Variants in CNTN6 observed in about 807,000 individuals in gnomAD.
CNTN6 encodes contactin 6, also known as contactin-6.
In CNTN6, 137 loss-of-function variants were observed where a neutral mutation model predicts 122.8. The ratio of observed to expected loss-of-function variants is 1.12; its 90% confidence interval spans 0.97 to 1.29. The LOEUF (loss-of-function observed/expected upper bound fraction) is 1.29. CNTN6 is among the 50% of genes most tolerant of loss of function. CNTN6 has a pLI of 0.00. For missense variants in CNTN6, 1,634 were observed against 1,223.4 expected (o/e 1.34, Z -5.01); for synonymous variants, 570 against 426.0 (o/e 1.34, Z -4.16).
intron 12 of CNTN6, among the ~76,000 whole-genome samples, chr3:1,370,234 T>A (rs1049727983): frequency 1.4e-4 from 21 of 152,014 alleles, no homozygotes; most frequent in African/African-American, 4.8e-4. Context: ...TTCTTTTTTT[T>A]TAATTTTATT....
chr3:1,378,145 C>T (rs1381032803), intron 17 of CNTN6, among the ~76,000 whole-genome samples: 1 of 152,100 alleles, frequency 6.6e-6, no homozygotes, highest in Non-Finnish European at 1.5e-5. Context: ...GGATGACCCA[C>T]TTGCATGGGT....
chr3:1,230,451 C>A (rs141813881), intron 4 of CNTN6, among the ~76,000 whole-genome samples: 3 of 152,190 alleles, frequency 2.0e-5, no homozygotes, highest in African/African-American at 7.2e-5. Context: ...TTACCTATCT[C>A]AACTTAGACA....
chr3:1,204,959 G>A (rs1392739697), intron 2 of CNTN6, among the ~76,000 whole-genome samples: 3 of 152,038 alleles, frequency 2.0e-5, no homozygotes, highest in Non-Finnish European at 4.4e-5. Context: ...GGGAAATTAC[G>A]GTTAAAAATG....
chr3:1,270,911 C>T (rs9846310), intron 4 of CNTN6, among the ~76,000 whole-genome samples: 97,988 of 151,644 alleles, frequency 0.65, 33,381 homozygotes, highest in East Asian at 0.86. Context: ...TTTGTTTGTT[C>T]TTGCTTTTTG....
intron 4 of CNTN6, among the ~76,000 whole-genome samples, chr3:1,265,342 A>G (rs571178895): frequency 2.6e-5 from 4 of 152,282 alleles, no homozygotes; most frequent in African/African-American, 9.6e-5. Context: ...TGTCCAGGTA[A>G]TTCCAGTGTA....
chr3:1,326,034 C>A (rs1382335672), intron 9 of CNTN6, 83 bp downstream of exon 9: 2 of 1,207,974 alleles, frequency 1.7e-6, no homozygotes, highest in African/African-American at 3.1e-5. Flanking sequence ...CTAACAGAAA[C>A]AGCTAATGTT....
intron 12 of CNTN6, among the ~76,000 whole-genome samples, chr3:1,353,157 T>C (rs1030611912): frequency 3.3e-5 from 5 of 151,702 alleles, no homozygotes; most frequent in African/African-American, 9.7e-5. Context: ...CTCATAAAAC[T>C]AGTGTGTTTA....
At chr3:1,198,646 C>A (rs1199303466) in intron 2 of CNTN6, among the ~76,000 whole-genome samples, 3 of 151,484 alleles carry the variant, frequency 2.0e-5, no homozygotes, top group Admixed American at 1.3e-4. Flanking sequence ...TGCTTGAGCC[C>A]GGGAGATGGA....
chr3:1,103,346 C>G (rs2091051048), intron 1 of CNTN6, among the ~76,000 whole-genome samples: 1 of 152,150 alleles, frequency 6.6e-6, no homozygotes, highest in African/African-American at 2.4e-5. Context: ...GAAAATGGTT[C>G]TATTAGAATT....
chr3:1,301,608 C>T (rs974254530), intron 7 of CNTN6, among the ~76,000 whole-genome samples: 1 of 152,014 alleles, frequency 6.6e-6, no homozygotes, highest in Non-Finnish European at 1.5e-5. Flanking sequence ...GAGTACACTC[C>T]CTAAATTGTT....
At chr3:1,316,477 C>A (rs1700113361) in intron 7 of CNTN6, among the ~76,000 whole-genome samples, 1 of 151,846 alleles carries the variant, frequency 6.6e-6, no homozygotes, top group South Asian at 2.1e-4. Flanking sequence ...ATCATGAGAA[C>A]AGCACCACGG....
At chr3:1,178,616 T>C (rs907069055) in intron 2 of CNTN6, among the ~76,000 whole-genome samples, 2 of 152,208 alleles carry the variant, frequency 1.3e-5, no homozygotes, top group African/African-American at 2.4e-5. Context: ...CCCCCACTGT[T>C]TTCTCATATG....
At chr3:1,244,742 G>T (rs1229128674) in intron 4 of CNTN6, among the ~76,000 whole-genome samples, 1 of 152,108 alleles carries the variant, frequency 6.6e-6, no homozygotes, top group Non-Finnish European at 1.5e-5. Flanking sequence ...GGAGATAGGG[G>T]TGGGGCTGTT....
chr3:1,197,238 G>C (rs1254366467), intron 2 of CNTN6, among the ~76,000 whole-genome samples: 2 of 152,162 alleles, frequency 1.3e-5, no homozygotes, highest in Non-Finnish European at 2.9e-5. Flanking sequence ...TGCAAAGCAA[G>C]GTCCTGGTTT....
intron 7 of CNTN6, 88 bp from the exon 8 acceptor site, chr3:1,321,562 T>G (rs1700844287): frequency 6.7e-5 from 79 of 1,170,400 alleles, no homozygotes; most frequent in Middle Eastern, 4.1e-4. Context: ...ATATTTTTCT[T>G]GAGAGTTATT....
chr3:1,116,270 A>G (rs2091715667), intron 1 of CNTN6, among the ~76,000 whole-genome samples: 1 of 152,134 alleles, frequency 6.6e-6, no homozygotes, highest in Admixed American at 6.6e-5. Flanking sequence ...GTAGTGTAGG[A>G]AAGGGCTTCA....
chr3:1,399,636 T>C (rs1265240014), intron 20 of CNTN6, among the ~76,000 whole-genome samples: 1 of 152,074 alleles, frequency 6.6e-6, no homozygotes, highest in Non-Finnish European at 1.5e-5. Context: ...GTGTCACCTA[T>C]GGATCTGCCC....
intron 4 of CNTN6, among the ~76,000 whole-genome samples, chr3:1,259,422 G>GT (rs966012614): frequency 7.2e-5 from 11 of 151,862 alleles, no homozygotes; most frequent in South Asian, 2.1e-4. Flanking sequence ...GTCTAAGTAA[G>GT]TTTTTTTTGT....
intron 1 of CNTN6, among the ~76,000 whole-genome samples, chr3:1,118,287 G>A (rs1574911224): frequency 6.6e-6 from 1 of 152,152 alleles, no homozygotes; most frequent in African/African-American, 2.4e-5. Context: ...GAGGAGCGGG[G>A]CTAGGGAAAG....
Sources: allele counts gnomAD v4.1 joint callset (sites outside exome capture counted in the v4.1 genomes callset), GRCh38; gene constraint gnomAD v4.1.1; transcripts MANE v1.5; gene names NCBI Gene and HGNC (gene_info 2026-07-23, HGNC 2026-07-21).